Variants in IL1R1 observed in about 807,000 individuals in gnomAD.
IL1R1 encodes interleukin-1 receptor type 1.
In IL1R1, 22 loss-of-function variants were observed where a neutral mutation model predicts 50.2. The ratio of observed to expected loss-of-function variants is 0.44; its 90% CI spans 0.31 to 0.63. The LOEUF (loss-of-function observed/expected upper bound fraction) is 0.63, where lower values mean the gene tolerates loss of function less well. Among genes scored for constraint, IL1R1 ranks in the 20% least tolerant of loss-of-function variants. The probability of loss-of-function intolerance (pLI) is 0.07; values close to 1 mark genes in which losing one functional copy is unlikely to be tolerated. For synonymous variants in IL1R1, 251 were observed against 236.7 expected, an observed-to-expected ratio of 1.06 and a Z score of -0.55; for missense variants, 509 against 676.2, an observed-to-expected ratio of 0.75 and a Z score of 2.74.
At chr2:102,174,376 A>G (rs900861108) in intron 9 of IL1R1, among the ~76,000 whole-genome samples, 1 of 152,174 alleles carries the variant, frequency 6.6e-6, no homozygotes, top group African/African-American at 2.4e-5. Context: ...ATTTAGGTAG[A>G]AACTTCATAG....
chr2:102,117,334 A>G (rs934713027), intron 1 of IL1R1, among the ~76,000 whole-genome samples: 2 of 152,096 alleles, frequency 1.3e-5, no homozygotes, highest in Non-Finnish European at 2.9e-5. Flanking sequence ...TGGATGAGGG[A>G]AGAGAAGCTG....
rs544700764 is a variant in IL1R1, at chr2:102,163,367, T to A, written c.62-1407T>A. On this transcript the variant is annotated intron_variant, in intron 3 of 11. Coordinates refer to ENST00000410023, the MANE Select transcript of IL1R1 (RefSeq NM_000877.4). ...GTGATTCATATTACATGTATTGAAGTTGTCCTAAGTAAAATAATTCCCTGC... is the reference window on the plus strand; with the variant it reads ...GTGATTCATATTACATGTATTGAAGATGTCCTAAGTAAAATAATTCCCTGC... Among the ~76,000 whole-genome samples the A allele has an allele frequency of 5.9e-5, 9 of 152,318 alleles. No individual in the cohort carries two copies. In the South Asian group the frequency reaches 1.9e-3, roughly 32 times the overall value.
rs115041727 is a variant in IL1R1, at chr2:102,175,648, A to G, written c.1303+3A>G. 5.7e-4 allele frequency: 927 copies of G among 1,613,010 alleles called. 7 individuals carry two copies. In the African/African-American group the frequency reaches 0.011, roughly 19 times the overall value. On this transcript the variant is annotated splice_donor_region_variant and intron_variant, in intron 11 of 11. Transcript: ENST00000410023. The stretch of plus-strand genomic sequence containing the variant: ...AAGGGATGACTACGTTGGGGAAGGT[A>G]TGTGTGTAATGGAACAGAGTAAAGG...
chr2:102,109,209 C>A (rs545377628), intron 1 of IL1R1, among the ~76,000 whole-genome samples: 2 of 152,184 alleles, frequency 1.3e-5, no homozygotes, highest in African/African-American at 4.8e-5. Context: ...TCGGACTGAA[C>A]TTTGGAGACA....
intron 1 of IL1R1, among the ~76,000 whole-genome samples, chr2:102,146,818 G>C (rs1429776551): frequency 6.6e-6 from 1 of 152,202 alleles, no homozygotes; most frequent in Non-Finnish European, 1.5e-5. Flanking sequence ...AGAACTGCCT[G>C]TGTTGTTCCG....
chr2:102,108,542 T>G (rs1294584334), intron 1 of IL1R1, among the ~76,000 whole-genome samples: 1 of 151,990 alleles, frequency 6.6e-6, no homozygotes, highest in African/African-American at 2.4e-5. Context: ...GGCGGATCAA[T>G]CAATGTTTCT....
At chr2:102,171,765 C>A in intron 7 of IL1R1, 36 bp from the exon 8 acceptor site, 5 of 1,231,150 alleles carry the variant, frequency 4.1e-6, no homozygotes, top group South Asian at 1.3e-5. Context: ...CAGAAAAAAT[C>A]AATTAATGTT....
chr2:102,116,849 G>T (rs1405216490), intron 1 of IL1R1, among the ~76,000 whole-genome samples: 2 of 152,020 alleles, frequency 1.3e-5, no homozygotes, highest in African/African-American at 4.8e-5. Context: ...TTATGACCTC[G>T]TAACATTTTC....
chr2:102,131,509 T>G (rs1243955009), intron 1 of IL1R1, among the ~76,000 whole-genome samples: 1 of 152,082 alleles, frequency 6.6e-6, no homozygotes, highest in Non-Finnish European at 1.5e-5. Context: ...ACAAAAGACG[T>G]GAAAATGCCT....
intron 1 of IL1R1, among the ~76,000 whole-genome samples, chr2:102,126,642 A>G (rs1475431668): frequency 6.7e-6 from 1 of 149,354 alleles, no homozygotes; most frequent in East Asian, 2.0e-4. Flanking sequence ...GTGCTGTTCT[A>G]GGTGTTGCAA....
chr2:102,139,774 A>C, upstream of IL1R1, among the ~76,000 whole-genome samples: 1 of 152,170 alleles, frequency 6.6e-6, no homozygotes, highest in Non-Finnish European at 1.5e-5. Context: ...CATGATTGTT[A>C]GTTTCCTGAG....
intron 1 of IL1R1, among the ~76,000 whole-genome samples, chr2:102,149,055 G>A (rs901460952): frequency 6.6e-6 from 1 of 152,154 alleles, no homozygotes; most frequent in Non-Finnish European, 1.5e-5. Context: ...TGTTTCCACC[G>A]ATTTTCAGTA....
chr2:102,130,342 G>A (rs1681961554), intron 1 of IL1R1, among the ~76,000 whole-genome samples: 1 of 152,122 alleles, frequency 6.6e-6, no homozygotes, highest in South Asian at 2.1e-4. Flanking sequence ...GCTTCCTCCT[G>A]GTGCCTGTGT....
At chr2:102,137,556 AC>A (rs1211094204) in intron 1 of IL1R1, among the ~76,000 whole-genome samples, 1 of 152,172 alleles carries the variant, frequency 6.6e-6, no homozygotes, top group East Asian at 1.9e-4. Context: ...TGGTCTCGGG[AC>A]AGTCATGGTC....
At chr2:102,172,977 C>A in intron 9 of IL1R1, 139 bp downstream of exon 9, 1 of 617,150 alleles carries the variant, frequency 1.6e-6, no homozygotes, top group Non-Finnish European at 2.8e-6. Flanking sequence ...TTCTCTTTTA[C>A]TCTTCTGCTG....
rs148788141 is a variant in IL1R1, at chr2:102,150,787, C to T, written c.-83-3154C>T. Among the ~76,000 whole-genome samples, 632 of 152,296 alleles carry T rather than the reference C, an allele frequency of 4.1e-3. 3 individuals carry two copies. The highest frequency in any genetic ancestry group is 0.015 in the African/African-American group (607 of 41,556). Reference sequence around the variant, plus strand: ...TCTGGACATCAGCATCTCAGCACTGCCCGCTGTCTTTCCTGGAAGCTGCTA... The same window carrying T: ...TCTGGACATCAGCATCTCAGCACTGTCCGCTGTCTTTCCTGGAAGCTGCTA... On this transcript the variant is annotated intron_variant, in intron 1 of 11. Coordinates refer to ENST00000410023, the MANE Select transcript of IL1R1 (RefSeq NM_000877.4).
chr2:102,135,136 T>G (rs1682273193), intron 1 of IL1R1, among the ~76,000 whole-genome samples: 1 of 74,156 alleles, frequency 1.3e-5, no homozygotes, highest in Non-Finnish European at 2.4e-5. Context: ...TAATGCTATC[T>G]AAAATCTGTT....
chr2:102,097,940 T>C (rs898336971), intron 1 of IL1R1, among the ~76,000 whole-genome samples: 3 of 152,154 alleles, frequency 2.0e-5, no homozygotes, highest in African/African-American at 7.2e-5. Flanking sequence ...TGGAATACCA[T>C]TGACACCAAA....
chr2:102,145,109 C>T (rs185143589), intron 1 of IL1R1, among the ~76,000 whole-genome samples: 273 of 152,278 alleles, frequency 1.8e-3, no homozygotes, highest in Non-Finnish European at 2.2e-3. Context: ...GTACAGAGAT[C>T]CTTATATTCT....
Sources: allele counts gnomAD v4.1 joint callset (sites outside exome capture counted in the v4.1 genomes callset), GRCh38; gene constraint gnomAD v4.1.1; transcripts MANE v1.5; gene names NCBI Gene and HGNC (gene_info 2026-07-23, HGNC 2026-07-21).